ELP1: variants seen among roughly 807,000 people sequenced by gnomAD.
The protein encoded by ELP1 is elongator acetyltransferase complex subunit 1.
A neutral mutation model predicts 183.2 loss-of-function variants in ELP1; 131 were observed. The ratio of observed to expected loss-of-function variants is 0.72; its 90% CI spans 0.62 to 0.83. ELP1 has a LOEUF of 0.83. Ranked by LOEUF, ELP1 falls within the 40% of genes least tolerant of loss-of-function variation. ELP1 has a pLI of 0.00. For synonymous variants in ELP1, 555 were observed against 569.0 expected, an observed-to-expected ratio of 0.98 and a Z score of 0.35; for missense variants, 1,550 against 1,594.9, an observed-to-expected ratio of 0.97 and a Z score of 0.48.
chr9:108,882,255 A>G lies in ELP1; in HGVS notation c.3223-68T>C. On this transcript the variant is annotated intron_variant, in intron 29 of 36. Coordinates refer to ENST00000374647, the MANE Select transcript of ELP1 (RefSeq NM_003640.5). ...GTCAGATGTCATCACAGCCAACTAC[A>G]AAACTAACCACAGACCTGCCTCTAT... 8.0e-6 allele frequency: 11 copies of G among 1,371,500 alleles called. No individual in the cohort carries two copies. The South Asian group carries it at 1.3e-4, about 16-fold the overall frequency. The allele number at this position is 1,371,500 out of a possible 1,614,324, so 85.0% of individuals were successfully genotyped here.
At chr9:108,873,958 T>A (rs1487977930) in intron 36 of ELP1, among the ~76,000 whole-genome samples, 1 of 152,098 alleles carries the variant, frequency 6.6e-6, no homozygotes, top group African/African-American at 2.4e-5. Flanking sequence ...GAAGAGGAGC[T>A]AGGAATACAG....
intron 10 of ELP1, among the ~76,000 whole-genome samples, chr9:108,915,966 G>A (rs983964114): frequency 1.3e-5 from 2 of 151,790 alleles, no homozygotes; most frequent in Admixed American, 6.6e-5. Flanking sequence ...CTAATCCCCC[G>A]AGAATACTGA....
chr9:108,911,836 C>T lies in ELP1; in HGVS notation c.1189+428G>A, dbSNP rs1202988937. ...GGCAAACGTTTATGCATGAACTGAACATACTGGAGAGGTATATATCAGCAA... is the reference window on the plus strand; with the variant it reads ...GGCAAACGTTTATGCATGAACTGAATATACTGGAGAGGTATATATCAGCAA... On this transcript the variant is annotated intron_variant, in intron 11 of 36. Transcript: ENST00000374647. Among the ~76,000 whole-genome samples, 3 of 151,862 alleles carry T rather than the reference C, an allele frequency of 2.0e-5. No individual in the cohort carries two copies. The East Asian group carries it at 5.8e-4, about 29-fold the overall frequency.
At chr9:108,927,565 T>A (rs572777714) in intron 3 of ELP1, 112 bp from the exon 4 acceptor site, 3 of 826,006 alleles carry the variant, frequency 3.6e-6, no homozygotes, top group South Asian at 2.8e-5. Flanking sequence ...CATCAGTATA[T>A]GGAAGAGATA....
chr9:108,891,326 C>T lies in ELP1; in HGVS notation c.3037G>A (p.Gly1013Ser), dbSNP rs2230795. The T allele has an allele frequency of 5.7e-3, 9,148 of 1,614,072 alleles. 504 individuals carry two copies. The African/African-American group carries it at 0.11, about 20-fold the overall frequency. ...GCTGAGAGAGCTTTCTCGTGGGCAC[C>T]GCAACGGGCAAACATGAGCCCCGCT... is the stretch of plus-strand genomic sequence containing the variant. ...EPAGLMFARC[G>S]AHEKALSAFL... Residue 1013 changes from glycine to serine, a missense_variant, in exon 28 of 37, where the codon GGT becomes AGT. Transcript: ENST00000374647.
At position 108,868,727 on chromosome 9, in the gene ELP1, C is replaced by G; in HGVS notation, c.*388G>C. 1.8e-6 allele frequency: 1 copy of G among 542,558 alleles called. No homozygotes were observed. The highest frequency in any genetic ancestry group is 3.4e-5 in the Admixed American group (1 of 29,584). The allele number at this position is 542,558 out of a possible 1,614,324, so 33.6% of individuals were successfully genotyped here. A position where few individuals can be genotyped will look rare whatever the true frequency, so the allele number is the denominator to read the frequency against. ...TTTGACCAAATGTAGCACTAATAGC[C>G]ATTGTAATCTTCTCCGCCAACAAAA... On this transcript the variant is annotated 3_prime_UTR_variant, in exon 37 of 37. Transcript: ENST00000374647.
At position 108,889,268 on chromosome 9, in the gene ELP1, A is replaced by G. The variant is rs1365778397; in HGVS notation, c.3222+64T>C. On this transcript the variant is annotated intron_variant, in intron 29 of 36. Coordinates refer to ENST00000374647, the MANE Select transcript of ELP1 (RefSeq NM_003640.5). ...AGTTCCTTTAACTTTCATGATCACTAAGATACAATTGAGAAGACCTTTCTT... is the reference window on the plus strand; with the variant it reads ...AGTTCCTTTAACTTTCATGATCACTGAGATACAATTGAGAAGACCTTTCTT... 6.5e-6 allele frequency: 9 copies of G among 1,377,572 alleles called. No homozygotes were observed. In the East Asian group the frequency reaches 6.9e-5, roughly 11 times the overall value. 85.3% of individuals were successfully genotyped at this position (1,377,572 alleles called of 1,614,324 possible). A position where few individuals can be genotyped will look rare whatever the true frequency, so the allele number is the denominator to read the frequency against.
Position 108,927,417 on chromosome 9 carries a change from C to A in ELP1, c.340G>T (p.Val114Phe). ...TCTTGGTCAGGACTCCAACTCATAA[C>A]AGAGATACCACTGGCTACACTCCCA... ...CVGSVASGIS[V>F]MSWSPDQELV... Residue 114 changes from valine (V) to phenylalanine (F), a missense_variant, in exon 4 of 37, where the codon GTT (valine) becomes TTT (phenylalanine). Transcript: ENST00000374647. The A allele has an allele frequency of 6.2e-7, 1 of 1,613,926 alleles. No individual in the cohort carries two copies. The highest frequency in any genetic ancestry group is 8.5e-7 in the Non-Finnish European group (1 of 1,179,868).
intron 14 of ELP1, among the ~76,000 whole-genome samples, chr9:108,904,228 C>T (rs1442636845): frequency 1.3e-5 from 2 of 149,396 alleles, no homozygotes; most frequent in Admixed American, 6.8e-5. Flanking sequence ...GTCAATGGAG[C>T]GAAGTAAAAT....
chr9:108,920,537 C>A, intron 6 of ELP1, among the ~76,000 whole-genome samples: 1 of 152,268 alleles, frequency 6.6e-6, no homozygotes, highest in East Asian at 1.9e-4. Flanking sequence ...CCAACTTGGC[C>A]TCCCAAAGTG....
chr9:108,882,060 C>G lies in ELP1; in HGVS notation c.3285+65G>C, dbSNP rs1587875165. The G allele has an allele frequency of 7.5e-6, 10 of 1,332,078 alleles. No homozygotes were observed. In the East Asian group the frequency reaches 2.3e-4, roughly 31 times the overall value. The allele number at this position is 1,332,078 out of a possible 1,614,324, so 82.5% of individuals were successfully genotyped here. A position where few individuals can be genotyped will look rare whatever the true frequency, so the allele number is the denominator to read the frequency against. On this transcript the variant is annotated intron_variant, in intron 30 of 36. Transcript: ENST00000374647. ...CAGAAGACAAGAGATTCCAACTGAC[C>G]TGGAATCCCTTGCTTGCTCTCTCTG...
chr9:108,900,790 CCA>C (rs1269168415), intron 18 of ELP1, among the ~76,000 whole-genome samples: 12 of 146,262 alleles, frequency 8.2e-5, no homozygotes, highest in Admixed American at 3.5e-4. Context: ...CACATACACG[CCA>C]CACACACATA....
In ELP1 at chr9:108,875,051, C is replaced by A. The variant is rs1981268; in HGVS notation, c.3856-81G>T. On this transcript the variant is annotated intron_variant, in intron 35 of 36. Transcript: ENST00000374647. ...CAATACCAAAGGCCAAATCCCTACCCCCAGAAAACAGCCTGTCATTTCTAC... is the reference window on the plus strand; with the variant it reads ...CAATACCAAAGGCCAAATCCCTACCACCAGAAAACAGCCTGTCATTTCTAC... The A allele has an allele frequency of 0.87, 770,714 of 886,816 alleles. 336,778 individuals carry two copies. The highest frequency in any genetic ancestry group is 0.93 in the African/African-American group (57,190 of 61,166). 54.9% of individuals were successfully genotyped at this position (886,816 alleles called of 1,614,324 possible). A position where few individuals can be genotyped will look rare whatever the true frequency, so the allele number is the denominator to read the frequency against.
At position 108,896,942 on chromosome 9, in the gene ELP1, C is replaced by A; in HGVS notation, c.2587+11G>T. 1 of 1,611,384 alleles carries A rather than the reference C, an allele frequency of 6.2e-7. No individual in the cohort carries two copies. Among genetic ancestry groups the A allele is most frequent in the Non-Finnish European group, 8.5e-7 (1 of 1,177,622 alleles). ...CCACCTTAAGCACTTTCTCTGTGAG[C>A]GGATCTCTACCTTGAAGCTCGTGTA... On this transcript the variant is annotated intron_variant, in intron 24 of 36. Coordinates refer to ENST00000374647, the MANE Select transcript of ELP1 (RefSeq NM_003640.5).
At chr9:108,918,711 C>A in intron 8 of ELP1, 100 bp downstream of exon 8, 15 of 858,084 alleles carry the variant, frequency 1.7e-5, no homozygotes, top group Admixed American at 5.1e-5. Context: ...ACGTAAAAAT[C>A]CTTTTGTGTT....
At chr9:108,898,630 G>C in intron 21 of ELP1, 41 bp downstream of exon 21, 1 of 1,599,356 alleles carries the variant, frequency 6.3e-7, no homozygotes, top group Non-Finnish European at 8.6e-7. Context: ...ATTAGTTTAA[G>C]TACAAAGTAA....
At chr9:108,898,103 C>T (rs541125843) in intron 22 of ELP1, among the ~76,000 whole-genome samples, 69 of 152,170 alleles carry the variant, frequency 4.5e-4, no homozygotes, top group South Asian at 1.7e-3. Context: ...TATAAACTGG[C>T]GAATCCAGGT....
At position 108,903,564 on chromosome 9, in the gene ELP1, C is replaced by A. The variant is rs1828896752; in HGVS notation, c.1749G>T (p.Trp583Cys). Reference sequence around the variant, plus strand: ...CTTTCCTAACACCTTGATACTCACCCCAAAGGTACTTAAATATCTGGCCAT... The same window carrying A: ...CTTTCCTAACACCTTGATACTCACCACAAAGGTACTTAAATATCTGGCCAT... ...LADGQIFKYLWESPSLAIKPW... is the reference protein window; with the variant it reads ...LADGQIFKYLCESPSLAIKPW... Residue 583 changes from tryptophan to cysteine, a missense_variant and splice_region_variant, in exon 15 of 37, where the codon TGG becomes TGT. Coordinates refer to ENST00000374647, the MANE Select transcript of ELP1 (RefSeq NM_003640.5). 1.9e-6 allele frequency: 3 copies of A among 1,603,362 alleles called. No homozygotes were observed. In the East Asian group the frequency reaches 6.7e-5, roughly 36 times the overall value.
At chr9:108,886,449 C>G (rs1256514180) in intron 29 of ELP1, among the ~76,000 whole-genome samples, 4 of 151,994 alleles carry the variant, frequency 2.6e-5, no homozygotes, top group African/African-American at 9.7e-5. Flanking sequence ...TCTAATCTGC[C>G]ACAAGAGAAA....
Sources: gnomAD v4.1 joint callset for allele counts (sites outside exome capture counted in the v4.1 genomes callset) on GRCh38, gnomAD v4.1.1 for gene constraint, MANE v1.5 for transcripts, NCBI Gene and HGNC (gene_info 2026-07-23, HGNC 2026-07-21) for gene names.